LIN9: variants seen among roughly 807,000 people sequenced by gnomAD.
LIN9 encodes the protein lin-9 DREAM MuvB core complex component.
In LIN9, 18 loss-of-function variants were observed where a neutral mutation model predicts 78.0. The ratio of observed to expected loss-of-function variants is 0.23; its 90% CI spans 0.16 to 0.34. The LOEUF is 0.34. Ranked by LOEUF, LIN9 falls within the 10% of genes least tolerant of loss-of-function variation. The pLI is 1.00. For missense variants in LIN9, 451 were observed against 644.1 expected (o/e 0.70, Z 3.25); for synonymous variants, 192 against 215.2 (o/e 0.89, Z 0.94).
chr1:226,309,738 C>T (rs749966082), upstream of LIN9: 45 of 1,287,828 alleles, frequency 3.5e-5, no homozygotes, highest in Admixed American at 4.6e-5. Flanking sequence ...CCCAGCGGCC[C>T]CTCGCGATCC....
At position 226,273,992 on chromosome 1, in the gene LIN9, T is replaced by G. The variant is rs142946954; in HGVS notation, c.682+3783A>C. The stretch of plus-strand genomic sequence containing the variant: ...AGCTAGGATTACAGGCGTACATCAC[T>G]ATTCCCAGCTAATTTTTGTATTTTT... On this transcript the variant is annotated intron_variant, in intron 7 of 14. Transcript: ENST00000681046. 9.9e-5 allele frequency among the ~76,000 whole-genome samples: 15 copies of G among 152,150 alleles called. No individual in the cohort carries two copies. The East Asian group carries it at 2.1e-3, about 22-fold the overall frequency.
intron 4 of LIN9, among the ~76,000 whole-genome samples, chr1:226,293,108 A>G (rs1052464968): frequency 6.6e-6 from 1 of 152,210 alleles, no homozygotes; most frequent in African/African-American, 2.4e-5. Flanking sequence ...GATTTAGAAG[A>G]TATGACTAAG....
intron 10 of LIN9, among the ~76,000 whole-genome samples, chr1:226,258,449 A>G (rs1659343027): frequency 6.6e-6 from 1 of 150,798 alleles, no homozygotes; most frequent in African/African-American, 2.4e-5. Flanking sequence ...TGCCTGGGTG[A>G]CAGAGCAAGA....
intron 11 of LIN9, among the ~76,000 whole-genome samples, chr1:226,246,308 G>T (rs181285583): frequency 2.0e-5 from 3 of 152,258 alleles, no homozygotes; most frequent in Non-Finnish European, 2.9e-5. Flanking sequence ...TAGGTTGGTA[G>T]TTATTTTGTT....
intron 10 of LIN9, among the ~76,000 whole-genome samples, chr1:226,254,008 T>C (rs757605277): frequency 7.2e-5 from 11 of 152,340 alleles, no homozygotes; most frequent in Admixed American, 1.3e-4. Flanking sequence ...CATGGCTCAC[T>C]GCAGCCTCAA....
chr1:226,285,883 T>C (rs1011727108), intron 6 of LIN9, among the ~76,000 whole-genome samples: 2 of 152,160 alleles, frequency 1.3e-5, no homozygotes, highest in African/African-American at 4.8e-5. Context: ...CAGAGGGACA[T>C]AGATAATGTA....
intron 6 of LIN9, among the ~76,000 whole-genome samples, chr1:226,283,820 C>T (rs1014361585): frequency 1.3e-5 from 2 of 151,850 alleles, no homozygotes; most frequent in Non-Finnish European, 2.9e-5. Context: ...TGGTGGCGGG[C>T]GCCTGTAGTC....
chr1:226,286,839 G>A (rs1661406924), intron 5 of LIN9, among the ~76,000 whole-genome samples: 1 of 152,204 alleles, frequency 6.6e-6, no homozygotes, highest in Admixed American at 6.5e-5. Flanking sequence ...CCAGTCTTGG[G>A]ACACTGGAGG....
chr1:226,304,952 A>G (rs1408810821), intron 1 of LIN9, among the ~76,000 whole-genome samples: 1 of 152,112 alleles, frequency 6.6e-6, no homozygotes, highest in African/African-American at 2.4e-5. Flanking sequence ...TAATCCCAGC[A>G]CTTTGGGGGG....
intron 6 of LIN9, among the ~76,000 whole-genome samples, chr1:226,284,742 G>T (rs1023096928): frequency 6.6e-6 from 1 of 152,022 alleles, no homozygotes; most frequent in Non-Finnish European, 1.5e-5. Context: ...AACAAAAAAG[G>T]CCTGTTAATA....
intron 7 of LIN9, among the ~76,000 whole-genome samples, chr1:226,277,069 G>T (rs1381121441): frequency 1.3e-5 from 2 of 151,868 alleles, no homozygotes; most frequent in African/African-American, 4.8e-5. Context: ...TTACGGCCAG[G>T]TGTGGTGATT....
intron 10 of LIN9, among the ~76,000 whole-genome samples, chr1:226,255,059 C>T (rs1659100479): frequency 6.6e-6 from 1 of 151,986 alleles, no homozygotes; most frequent in Non-Finnish European, 1.5e-5. Context: ...TGAGCAAAAA[C>T]CTCTAGGAAC....
At position 226,265,757 on chromosome 1, in the gene LIN9, C is replaced by A; in HGVS notation, c.937-123G>T. ...TGCCACTTGTGATCTCGGCTCACTGCAATCTCTGACTCCTGGGTTCAAGCG... is the reference window on the plus strand; with the variant it reads ...TGCCACTTGTGATCTCGGCTCACTGAAATCTCTGACTCCTGGGTTCAAGCG... On this transcript the variant is annotated intron_variant, in intron 9 of 14. Transcript: ENST00000681046. This position sits in a 1 kb window ranked among gnomAD's most constrained non-coding sequence, Gnocchi z 4.1. The A allele has an allele frequency of 3.7e-6, 2 of 535,008 alleles. No homozygotes were observed. Among genetic ancestry groups the A allele is most frequent in the South Asian group, 4.0e-5 (2 of 49,624 alleles). 33.1% of individuals were successfully genotyped at this position (535,008 alleles called of 1,614,324 possible).
intron 10 of LIN9, among the ~76,000 whole-genome samples, chr1:226,256,224 T>TA (rs775858484): frequency 7.4e-5 from 11 of 149,136 alleles, no homozygotes; most frequent in South Asian, 2.1e-4. Flanking sequence ...CTCTACATAC[T>TA]AAAAAAAAGG....
intron 8 of LIN9, 48 bp from the exon 9 acceptor site, chr1:226,266,380 T>C: frequency 6.6e-7 from 1 of 1,516,380 alleles, no homozygotes; most frequent in African/African-American, 1.4e-5. Context: ...TTACCAATCA[T>C]TTAAGCTTTA....
rs1176521965 is a variant in LIN9, at chr1:226,272,018, TTAC to T, written c.683-3931_683-3929del. 3.4e-5 allele frequency among the ~76,000 whole-genome samples: 3 copies of T among 87,454 alleles called. No individual in the cohort carries two copies. The East Asian group carries it at 1.1e-3, about 33-fold the overall frequency. 57.4% of individuals were successfully genotyped at this position (87,454 alleles called of 152,430 possible). Reference sequence around the variant, plus strand: ...CTTGAAGACAGCATATAGATGAGTCTTACTTTTTTTTAATCCGTTCTCATTATC... The same window carrying T: ...CTTGAAGACAGCATATAGATGAGTCTTTTTTTTTAATCCGTTCTCATTATC... On this transcript the variant is annotated intron_variant, in intron 7 of 14. Transcript: ENST00000681046.
chr1:226,282,546 C>T (rs983921738), intron 6 of LIN9, among the ~76,000 whole-genome samples: 10 of 152,176 alleles, frequency 6.6e-5, no homozygotes, highest in Non-Finnish European at 1.3e-4. Context: ...CTCGGCCGGG[C>T]GCGGTGGCTC....
At chr1:226,287,396 T>C (rs1015611236) in intron 5 of LIN9, among the ~76,000 whole-genome samples, 1 of 152,202 alleles carries the variant, frequency 6.6e-6, no homozygotes. Context: ...TTAAGGTATC[T>C]CTACTCCATA....
intron 4 of LIN9, among the ~76,000 whole-genome samples, chr1:226,288,111 A>G (rs1661490654): frequency 6.6e-6 from 1 of 152,076 alleles, no homozygotes; most frequent in Non-Finnish European, 1.5e-5. Context: ...AGCTGGGACT[A>G]CAGGCGCACG....
Sources: gnomAD v4.1 joint callset for allele counts (sites outside exome capture counted in the v4.1 genomes callset) on GRCh38, gnomAD v4.1.1 for gene constraint, Gnocchi (gnomAD v3.1) non-coding constraint, MANE v1.5 for transcripts, NCBI Gene and HGNC (gene_info 2026-07-23, HGNC 2026-07-21) for gene names.